The following LIPC variants were observed in gnomAD, a reference collection of about 807,000 sequenced individuals.
LIPC encodes lipase C, hepatic type, also known as hepatic triacylglycerol lipase.
A neutral mutation model predicts 50.7 loss-of-function variants in LIPC; 44 were observed. The observed-to-expected ratio is 0.87, with a 90% CI of 0.68 to 1.11. The LOEUF is 1.11. Ranked by LOEUF, LIPC falls within the 50% of genes most tolerant of loss-of-function variation. The pLI, the probability that LIPC is intolerant of heterozygous loss-of-function variation, is 0.00. For synonymous variants in LIPC, 271 were observed against 256.4 expected, an observed-to-expected ratio of 1.06 and a Z score of -0.54; for missense variants, 697 against 648.2, an observed-to-expected ratio of 1.08 and a Z score of -0.82.
At chr15:58,484,848 T>A (rs1891314011) in intron 1 of LIPC, among the ~76,000 whole-genome samples, 1 of 152,100 alleles carries the variant, frequency 6.6e-6, no homozygotes, top group Non-Finnish European at 1.5e-5. Context: ...TACACTAAAA[T>A]CTGAATGATG....
intron 8 of LIPC, 93 bp downstream of exon 8, chr15:58,563,816 G>A: frequency 9.4e-7 from 1 of 1,065,906 alleles, no homozygotes. Flanking sequence ...ATCATGTGAG[G>A]TGAGTATTAT....
At chr15:58,496,176 G>A (rs1362390493) in intron 1 of LIPC, among the ~76,000 whole-genome samples, 1 of 152,056 alleles carries the variant, frequency 6.6e-6, no homozygotes, top group East Asian at 1.9e-4. Flanking sequence ...CAATATCTGG[G>A]GGCATCTTTG....
intron 1 of LIPC, among the ~76,000 whole-genome samples, chr15:58,535,216 G>T (rs767502808): frequency 6.6e-6 from 1 of 152,208 alleles, no homozygotes; most frequent in Non-Finnish European, 1.5e-5. Context: ...TTTCAAGCTT[G>T]CATCCCCCAC....
At chr15:58,478,315 T>G (rs1362151136) in intron 1 of LIPC, among the ~76,000 whole-genome samples, 1 of 152,224 alleles carries the variant, frequency 6.6e-6, no homozygotes, top group Admixed American at 6.5e-5. Context: ...CTCGGCTCAC[T>G]GTAACCTCCA....
intron 1 of LIPC, among the ~76,000 whole-genome samples, chr15:58,537,132 T>C (rs1379414037): frequency 6.6e-6 from 1 of 152,208 alleles, no homozygotes; most frequent in Non-Finnish European, 1.5e-5. Context: ...CTCTCCCAGC[T>C]CTTGGCCTGA....
intron 1 of LIPC, among the ~76,000 whole-genome samples, chr15:58,528,428 AG>A (rs1446970620): frequency 6.6e-6 from 1 of 152,228 alleles, no homozygotes; most frequent in Non-Finnish European, 1.5e-5. Context: ...AGACACAGAG[AG>A]GTTAAATAAC....
At chr15:58,520,014 T>C (rs1439853136) in intron 1 of LIPC, among the ~76,000 whole-genome samples, 1 of 152,084 alleles carries the variant, frequency 6.6e-6, no homozygotes, top group East Asian at 1.9e-4. Flanking sequence ...GAAAGAGCAT[T>C]AGATGGTAGG....
chr15:58,465,229 A>T (rs1894508062), intron 1 of LIPC, among the ~76,000 whole-genome samples: 1 of 151,910 alleles, frequency 6.6e-6, no homozygotes, highest in South Asian at 2.1e-4. Flanking sequence ...AGAACAACTC[A>T]TTTCCCCCAC....
At chr15:58,550,138 G>A (rs1301859144) in intron 6 of LIPC, among the ~76,000 whole-genome samples, 4 of 152,164 alleles carry the variant, frequency 2.6e-5, no homozygotes, top group Non-Finnish European at 4.4e-5. Flanking sequence ...ATTTAGACCT[G>A]GGGCCTCCAA....
At chr15:58,467,796 C>G (rs1350519975) in intron 1 of LIPC, among the ~76,000 whole-genome samples, 1 of 152,182 alleles carries the variant, frequency 6.6e-6, no homozygotes, top group Non-Finnish European at 1.5e-5. Flanking sequence ...TCCCTTACAT[C>G]AAATCCTGTC....
At chr15:58,533,384 G>C (rs1283552265) in intron 1 of LIPC, among the ~76,000 whole-genome samples, 1 of 152,158 alleles carries the variant, frequency 6.6e-6, no homozygotes, top group Non-Finnish European at 1.5e-5. Context: ...AAATGCTGAA[G>C]ATCAATTTGA....
Position 58,478,736 on chromosome 15 carries a change from T to C in LIPC, c.88+46616T>C, listed in dbSNP as rs559185819. ...GAGCACCTTGAGCTACTAGAACTAC[T>C]GCACGCTTGTTTTGTAACATTTACA... On this transcript the variant is annotated intron_variant, in intron 1 of 8. Transcript: ENST00000299022. 2.0e-5 allele frequency among the ~76,000 whole-genome samples: 3 copies of C among 152,330 alleles called. No homozygotes were observed. The East Asian group carries it at 5.8e-4, about 29-fold the overall frequency.
intron 1 of LIPC, among the ~76,000 whole-genome samples, chr15:58,506,512 T>G (rs1484889778): frequency 6.6e-6 from 1 of 152,166 alleles, no homozygotes; most frequent in Non-Finnish European, 1.5e-5. Context: ...CCCAAACCAC[T>G]CTGCCTATTC....
intron 1 of LIPC, among the ~76,000 whole-genome samples, chr15:58,469,958 G>A (rs1968686): frequency 0.52 from 74,085 of 143,320 alleles, 19,511 homozygotes; most frequent in African/African-American, 0.65. Flanking sequence ...TTTGAGACAA[G>A]GTCTCCCTTT....
chr15:58,457,264 C>T (rs1470772328), intron 1 of LIPC, among the ~76,000 whole-genome samples: 1 of 152,188 alleles, frequency 6.6e-6, no homozygotes, highest in Non-Finnish European at 1.5e-5. Flanking sequence ...CAGGCACCAC[C>T]ACGCCTGGCT....
At chr15:58,535,589 G>A (rs953792751) in intron 1 of LIPC, among the ~76,000 whole-genome samples, 2 of 152,130 alleles carry the variant, frequency 1.3e-5, no homozygotes, top group Non-Finnish European at 2.9e-5. Flanking sequence ...AGACAGAATT[G>A]GTCCTATGAG....
At chr15:58,508,083 G>C (rs950584717) in intron 1 of LIPC, among the ~76,000 whole-genome samples, 1 of 152,180 alleles carries the variant, frequency 6.6e-6, no homozygotes, top group African/African-American at 2.4e-5. Flanking sequence ...TTCTTCCTGT[G>C]ATATGGGTTC....
intron 1 of LIPC, among the ~76,000 whole-genome samples, chr15:58,445,876 G>A (rs694949): frequency 0.11 from 16,671 of 152,176 alleles, 898 homozygotes; most frequent in Middle Eastern, 0.19. Flanking sequence ...ACTAACGTGT[G>A]TACGCATCTA....
At chr15:58,468,770 G>C (rs1595874878) in intron 1 of LIPC, among the ~76,000 whole-genome samples, 1 of 152,286 alleles carries the variant, frequency 6.6e-6, no homozygotes, top group Admixed American at 6.5e-5. Flanking sequence ...CAGAACTACA[G>C]AGCTGCCACC....
Sources: gnomAD v4.1 joint callset for allele counts (sites outside exome capture counted in the v4.1 genomes callset) on GRCh38, gnomAD v4.1.1 for gene constraint, MANE v1.5 for transcripts, NCBI Gene and HGNC (gene_info 2026-07-23, HGNC 2026-07-21) for gene names.